Variants in ASAP1 observed in about 807,000 individuals in gnomAD.
The protein encoded by ASAP1 is arf-GAP with SH3 domain, ANK repeat and PH domain-containing protein 1.
Under a neutral mutation model 145.2 loss-of-function variants are expected in ASAP1, and 43 were observed. That is an observed-to-expected ratio of 0.30 (90% CI 0.23 to 0.38). ASAP1 has a LOEUF of 0.38. Among genes scored for constraint, ASAP1 ranks in the 10% least tolerant of loss-of-function variants. ASAP1 has a pLI of 1.00. For synonymous variants in ASAP1, 546 were observed against 515.5 expected (o/e 1.06, Z -0.80); for missense variants, 1,018 against 1,355.3 (o/e 0.75, Z 3.91).
Position 130,134,277 on chromosome 8 carries a change from T to G in ASAP1, c.1217+19A>C. The G allele has an allele frequency of 6.4e-7, 1 of 1,562,384 alleles. No homozygotes were observed. ...TTTTTCAATCCAAGGCATCGCACCT[T>G]TATTTCAAAACTACTTACGCTACAT... On this transcript the variant is annotated intron_variant, in intron 15 of 29. Coordinates refer to ENST00000518721, the MANE Select transcript of ASAP1 (RefSeq NM_018482.4).
intron 3 of ASAP1, among the ~76,000 whole-genome samples, chr8:130,272,372 G>T (rs1051113098): frequency 6.6e-6 from 1 of 152,112 alleles, no homozygotes; most frequent in African/African-American, 2.4e-5. Context: ...TGGAAAAAAG[G>T]TAACTCTACA....
intron 29 of ASAP1, among the ~76,000 whole-genome samples, chr8:130,055,311 A>G (rs1236554057): frequency 6.6e-6 from 1 of 152,032 alleles, no homozygotes; most frequent in Non-Finnish European, 1.5e-5. Context: ...AAAAAAAAAA[A>G]AAGCAAATGA....
At chr8:130,413,909 CATTCAT>C (rs1829366887) in intron 1 of ASAP1, among the ~76,000 whole-genome samples, 3 of 152,190 alleles carry the variant, frequency 2.0e-5, no homozygotes, top group African/African-American at 7.2e-5. Context: ...TTCATTCATT[CATTCAT>C]TCATTTATGT....
intron 5 of ASAP1, among the ~76,000 whole-genome samples, chr8:130,211,078 T>C (rs958164735): frequency 3.3e-5 from 5 of 152,212 alleles, no homozygotes; most frequent in Admixed American, 6.5e-5. Flanking sequence ...CCAGGTGTGA[T>C]TGGGACCAAA....
chr8:130,348,743 T>C (rs1256537684), intron 3 of ASAP1, among the ~76,000 whole-genome samples: 1 of 152,224 alleles, frequency 6.6e-6, no homozygotes, highest in African/African-American at 2.4e-5. Flanking sequence ...ATAGAATTTC[T>C]TGTGGTCTCA....
At chr8:130,379,507 G>A (rs1002742341) in intron 2 of ASAP1, among the ~76,000 whole-genome samples, 1 of 151,770 alleles carries the variant, frequency 6.6e-6, no homozygotes, top group African/African-American at 2.4e-5. Context: ...GGCATCTGAA[G>A]TGGGAGCTGT....
At chr8:130,301,625 C>T (rs1261807307) in intron 3 of ASAP1, among the ~76,000 whole-genome samples, 1 of 152,046 alleles carries the variant, frequency 6.6e-6, no homozygotes, top group Non-Finnish European at 1.5e-5. Context: ...CCAAAAAACC[C>T]CAATTGTCCT....
chr8:130,118,608 T>G lies in ASAP1; in HGVS notation c.1675A>C (p.Thr559Pro), dbSNP rs778097102. Reference protein sequence around the residue: ...DHRFSRKTCSTSSAKLNELLE... With the variant: ...DHRFSRKTCSPSSAKLNELLE... ...AATTCATTTAGTTTAGCTGATGAAGTTGAACAGGTCTTCCTTGAAAACCTA... is the reference window on the plus strand; with the variant it reads ...AATTCATTTAGTTTAGCTGATGAAGGTGAACAGGTCTTCCTTGAAAACCTA... The change falls in exon 19 of 30, where the codon ACT becomes CCT. Residue 559 changes from threonine to proline, a missense_variant. Thr to Pro is a conservative substitution (Grantham distance 38). Transcript: ENST00000518721. 5 of 1,614,084 alleles carry G rather than the reference T, an allele frequency of 3.1e-6. 1 individual carries two copies. In the South Asian group the frequency reaches 5.5e-5, roughly 18 times the overall value.
chr8:130,387,381 C>T lies in ASAP1; in HGVS notation c.59+14504G>A, dbSNP rs1191332253. Among the ~76,000 whole-genome samples, 2 of 151,970 alleles carry T rather than the reference C, an allele frequency of 1.3e-5. 1 individual carries two copies. The highest frequency in any genetic ancestry group is 2.9e-5 in the Non-Finnish European group (2 of 67,990). On this transcript the variant is annotated intron_variant, in intron 2 of 29. Coordinates refer to ENST00000518721, the MANE Select transcript of ASAP1 (RefSeq NM_018482.4). ...CAAAACCTCGTCCCTACTCAAAATA[C>T]AAAAATTAGCTGAGCATGGTGGCGC...
intron 4 of ASAP1, among the ~76,000 whole-genome samples, chr8:130,235,099 TA>T (rs930737640): frequency 6.6e-6 from 1 of 152,130 alleles, no homozygotes; most frequent in Non-Finnish European, 1.5e-5. Context: ...GGAAGTTAAA[TA>T]ATATACTTGA....
rs1451907185 is a variant in ASAP1 at position 130,052,653 on chromosome 8, G to T, written c.*2078C>A. ...AAAAGGTGTTAAAAATGCTGTGTAA[G>T]TTGCTGCAAAAGGGGAAAAAGAATA... On this transcript the variant is annotated 3_prime_UTR_variant, in exon 30 of 30. Coordinates refer to ENST00000518721, the MANE Select transcript of ASAP1 (RefSeq NM_018482.4). 1.3e-5 allele frequency: 2 copies of T among 150,124 alleles called. No homozygotes were observed. Among genetic ancestry groups the T allele is most frequent in the African/African-American group, 2.4e-5 (1 of 40,900 alleles). The allele number at this position is 150,124 out of a possible 1,614,324, so 9.3% of individuals were successfully genotyped here. A position where few individuals can be genotyped will look rare whatever the true frequency, so the allele number is the denominator to read the frequency against.
intron 2 of ASAP1, among the ~76,000 whole-genome samples, chr8:130,387,433 G>A (rs1360930779): frequency 6.6e-6 from 1 of 152,036 alleles, no homozygotes; most frequent in African/African-American, 2.4e-5. Flanking sequence ...TTACTTGGGA[G>A]GCTGAGGCAG....
At chr8:130,391,125 A>G (rs184265076) in intron 2 of ASAP1, among the ~76,000 whole-genome samples, 218 of 152,324 alleles carry the variant, frequency 1.4e-3, no homozygotes, top group African/African-American at 4.9e-3. Flanking sequence ...ATTTTGATAC[A>G]TGGTATAATA....
intron 2 of ASAP1, among the ~76,000 whole-genome samples, chr8:130,363,418 CCAT>C (rs1359527073): frequency 6.6e-6 from 1 of 152,098 alleles, no homozygotes; most frequent in Non-Finnish European, 1.5e-5. Flanking sequence ...AAAATATTCA[CCAT>C]GACCTGCTAC....
At chr8:130,400,716 G>A (rs1391418330) in intron 2 of ASAP1, among the ~76,000 whole-genome samples, 2 of 151,722 alleles carry the variant, frequency 1.3e-5, no homozygotes, top group African/African-American at 2.4e-5. Flanking sequence ...GCGTGAAGCC[G>A]GGAGGCGGAG....
intron 3 of ASAP1, among the ~76,000 whole-genome samples, chr8:130,273,083 G>A (rs1461573615): frequency 2.0e-5 from 3 of 152,092 alleles, no homozygotes; most frequent in African/African-American, 7.2e-5. Context: ...CACATCCTAT[G>A]CATGTAAGAA....
chr8:130,124,789 TG>T, intron 17 of ASAP1, among the ~76,000 whole-genome samples: 1 of 152,326 alleles, frequency 6.6e-6, no homozygotes, highest in African/African-American at 2.4e-5. Context: ...GTTTAGGATT[TG>T]GACTTTCCTC....
chr8:130,163,826 G>T (rs2097674567), intron 11 of ASAP1, among the ~76,000 whole-genome samples: 3 of 152,124 alleles, frequency 2.0e-5, no homozygotes, highest in Admixed American at 6.5e-5. Context: ...CATAAACAAT[G>T]AACTTAAAAT....
chr8:130,420,274 ACACAC>A (rs1829665418), intron 1 of ASAP1, among the ~76,000 whole-genome samples: 2 of 142,720 alleles, frequency 1.4e-5, no homozygotes, highest in Non-Finnish European at 3.1e-5. Flanking sequence ...ACACACACAC[ACACAC>A]AATAGCAATA....
Sources: gnomAD v4.1 joint callset for allele counts (sites outside exome capture counted in the v4.1 genomes callset) on GRCh38, gnomAD v4.1.1 for gene constraint, MANE v1.5 for transcripts, NCBI Gene and HGNC (gene_info 2026-07-23, HGNC 2026-07-21) for gene names.